Variants in FNDC3A observed in about 807,000 individuals in gnomAD.
The protein encoded by FNDC3A is fibronectin type III domain containing 3A.
FNDC3A carries 32 observed loss-of-function variants against 148.9 expected under a neutral mutation model. The observed-to-expected ratio is 0.21, with a 90% confidence interval of 0.16 to 0.29. The LOEUF (loss-of-function observed/expected upper bound fraction) is 0.29. Ranked by LOEUF, FNDC3A falls within the 10% of genes least tolerant of loss-of-function variation. FNDC3A has a pLI of 1.00. For missense variants in FNDC3A, 1,191 were observed against 1,452.8 expected (o/e 0.82, Z 2.93); for synonymous variants, 472 against 473.6 (o/e 1.00, Z 0.04).
intron 2 of FNDC3A, among the ~76,000 whole-genome samples, chr13:49,058,904 C>G (rs181024383): frequency 4.6e-4 from 70 of 152,292 alleles, no homozygotes; most frequent in African/African-American, 1.6e-3. Context: ...ACTCTTCATT[C>G]TTTCAATACT....
At chr13:49,160,148 G>A (rs1884000556) in intron 8 of FNDC3A, among the ~76,000 whole-genome samples, 1 of 152,134 alleles carries the variant, frequency 6.6e-6, no homozygotes, top group Non-Finnish European at 1.5e-5. Flanking sequence ...GAGTTAGGGA[G>A]GATTCCCTCT....
chr13:49,020,676 A>G (rs1192275219), intron 2 of FNDC3A, among the ~76,000 whole-genome samples: 3 of 152,246 alleles, frequency 2.0e-5, no homozygotes, highest in Non-Finnish European at 2.9e-5. Context: ...TTGGGGGGTT[A>G]TAATAGCAGC....
intron 7 of FNDC3A, among the ~76,000 whole-genome samples, chr13:49,144,754 C>T (rs1223222514): frequency 6.6e-6 from 1 of 152,132 alleles, no homozygotes; most frequent in Non-Finnish European, 1.5e-5. Flanking sequence ...TACACAAAAT[C>T]CCCAAAGATA....
chr13:49,166,983 T>C lies in FNDC3A; in HGVS notation c.978-261T>C, dbSNP rs559326432. 6.1e-4 allele frequency among the ~76,000 whole-genome samples: 60 copies of C among 98,426 alleles called. No individual in the cohort carries two copies. The South Asian group carries it at 7.9e-3, about 13-fold the overall frequency. The allele number at this position is 98,426 out of a possible 152,430, so 64.6% of individuals were successfully genotyped here. On this transcript the variant is annotated intron_variant, in intron 8 of 25. Transcript: ENST00000492622. ...CAGTAAGCTAAATATCTTCCTTAAC[T>C]CCACTCCAAAAAAAAGAGTCTGGCT...
chr13:49,069,095 G>A (rs1223371432), intron 2 of FNDC3A, among the ~76,000 whole-genome samples: 1 of 152,088 alleles, frequency 6.6e-6, no homozygotes, highest in Non-Finnish European at 1.5e-5. Flanking sequence ...ACTCTACATG[G>A]TTAAGCTGAT....
intron 3 of FNDC3A, chr13:49,110,525 T>C (rs1880496173): frequency 1.3e-6 from 1 of 743,498 alleles, no homozygotes; most frequent in Non-Finnish European, 2.4e-6. Flanking sequence ...CCATAAAATA[T>C]TTTAAATTGT....
At chr13:49,048,857 A>G (rs1875615644) in intron 2 of FNDC3A, among the ~76,000 whole-genome samples, 1 of 152,108 alleles carries the variant, frequency 6.6e-6, no homozygotes, top group Non-Finnish European at 1.5e-5. Context: ...TATTCACTGA[A>G]TAGAAGTGGT....
chr13:49,206,772 G>A (rs1003334381), intron 25 of FNDC3A, among the ~76,000 whole-genome samples: 2 of 152,162 alleles, frequency 1.3e-5, no homozygotes, highest in Non-Finnish European at 2.9e-5. Flanking sequence ...TCTTACATTT[G>A]AGAAAAGCAA....
intron 2 of FNDC3A, among the ~76,000 whole-genome samples, chr13:49,029,129 A>G (rs1321759551): frequency 6.6e-6 from 1 of 151,902 alleles, no homozygotes; most frequent in African/African-American, 2.4e-5. Flanking sequence ...GTGCACCACC[A>G]TGCCAGGCTG....
chr13:49,054,878 A>AT (rs1187685206), intron 2 of FNDC3A, among the ~76,000 whole-genome samples: 4 of 149,484 alleles, frequency 2.7e-5, no homozygotes, highest in Admixed American at 6.6e-5. Flanking sequence ...TTCTAACTTT[A>AT]TTTTTTTTTC....
intron 2 of FNDC3A, among the ~76,000 whole-genome samples, 157 bp downstream of exon 2, chr13:49,006,446 T>A (rs1220372719): frequency 6.6e-6 from 1 of 152,058 alleles, no homozygotes; most frequent in African/African-American, 2.4e-5. Context: ...ATAATGAGAC[T>A]GTTTTTGAAG....
intron 1 of FNDC3A, among the ~76,000 whole-genome samples, chr13:48,991,485 G>A (rs1375010590): frequency 2.0e-5 from 3 of 152,014 alleles, no homozygotes; most frequent in South Asian, 2.1e-4. Context: ...CCAGGAGTTC[G>A]AGACCAGCCT....
chr13:49,165,793 A>G (rs1263463692), intron 8 of FNDC3A, among the ~76,000 whole-genome samples: 1 of 152,198 alleles, frequency 6.6e-6, no homozygotes, highest in South Asian at 2.1e-4. Flanking sequence ...CAAGCAGTCC[A>G]TGCTGATGTT....
At chr13:49,199,564 G>A (rs1003398636) in intron 23 of FNDC3A, among the ~76,000 whole-genome samples, 19 of 151,880 alleles carry the variant, frequency 1.3e-4, no homozygotes, top group Admixed American at 9.2e-4. Context: ...CTGACCTCCC[G>A]ATCCACCTGC....
At position 49,192,819 on chromosome 13, in the gene FNDC3A, T is replaced by C. The variant is rs114981446; in HGVS notation, c.2226+1435T>C. On this transcript the variant is annotated intron_variant, in intron 19 of 25. Coordinates refer to ENST00000492622, the MANE Select transcript of FNDC3A (RefSeq NM_001079673.2). ...TTCCAGAGAACATACATTTTAGACC[T>C]TTCTAAAGCTATTCCAGATTTTAAG... 7.6e-3 allele frequency among the ~76,000 whole-genome samples: 1,163 copies of C among 152,338 alleles called. 17 individuals carry two copies. Among genetic ancestry groups the C allele is most frequent in the African/African-American group, 0.026 (1,080 of 41,566 alleles).
intron 9 of FNDC3A, 28 bp from the exon 10 acceptor site, chr13:49,168,585 G>A: frequency 6.4e-7 from 1 of 1,573,976 alleles, no homozygotes; most frequent in Non-Finnish European, 8.7e-7. Context: ...GATTATGAAA[G>A]GTAAAACTAT....
chr13:49,111,381 T>C (rs1593603860), intron 3 of FNDC3A, among the ~76,000 whole-genome samples: 1 of 152,278 alleles, frequency 6.6e-6, no homozygotes, highest in East Asian at 1.9e-4. Context: ...TGAATGTTAC[T>C]TCACAGCAAT....
rs373757850 is a variant in FNDC3A at position 49,095,932 on chromosome 13, C to G, written c.176-18723C>G. On this transcript the variant is annotated intron_variant, in intron 3 of 25. Coordinates refer to ENST00000492622, the MANE Select transcript of FNDC3A (RefSeq NM_001079673.2). ...TTCTAGGAAACAGAAAAGATCTTTC[C>G]TGGTTCCTTTGTTTGTATGGCAGCA... is the stretch of plus-strand genomic sequence containing the variant. Among the ~76,000 whole-genome samples, 5 of 152,158 alleles carry G rather than the reference C, an allele frequency of 3.3e-5. No individual in the cohort carries two copies. The East Asian group carries it at 5.8e-4, about 18-fold the overall frequency.
chr13:49,057,079 T>C (rs1277254257), intron 2 of FNDC3A, among the ~76,000 whole-genome samples: 1 of 152,208 alleles, frequency 6.6e-6, no homozygotes, highest in Admixed American at 6.5e-5. Context: ...TTTTTCCAGG[T>C]ACTCAGGCTT....
Sources: gnomAD v4.1 joint callset for allele counts (sites outside exome capture counted in the v4.1 genomes callset) on GRCh38, gnomAD v4.1.1 for gene constraint, MANE v1.5 for transcripts, NCBI Gene and HGNC (gene_info 2026-07-23, HGNC 2026-07-21) for gene names.